The following ANKAR variants were observed in gnomAD, a reference collection of about 807,000 sequenced individuals.
The protein encoded by ANKAR is ankyrin and armadillo repeat containing.
A neutral mutation model predicts 146.2 loss-of-function variants in ANKAR; 136 were observed. That is an observed-to-expected ratio of 0.93 (90% CI 0.81 to 1.07). The LOEUF is 1.07. Among genes scored for constraint, ANKAR ranks in the 50% least tolerant of loss-of-function variants. The pLI, the probability that ANKAR is intolerant of heterozygous loss-of-function variation, is 0.00. For synonymous variants in ANKAR, 500 were observed against 575.8 expected (o/e 0.87, Z 1.88); for missense variants, 1,567 against 1,679.9 (o/e 0.93, Z 1.18).
downstream of ANKAR, among the ~76,000 whole-genome samples, chr2:189,761,999 A>T (rs1283962889): frequency 1.3e-5 from 2 of 152,212 alleles, no homozygotes; most frequent in Non-Finnish European, 2.9e-5. Context: ...TTAAGACAAA[A>T]TGTGGATTTT....
chr2:189,733,282 C>G, intron 17 of ANKAR, 53 bp downstream of exon 17: 1 of 1,434,514 alleles, frequency 7.0e-7, no homozygotes, highest in Non-Finnish European at 9.4e-7. Context: ...GGTTTTTATA[C>G]CACATCTTCA....
At chr2:189,751,198 T>C (rs1347401128), downstream of ANKAR, among the ~76,000 whole-genome samples, 2 of 152,198 alleles carry the variant, frequency 1.3e-5, no homozygotes, top group African/African-American at 4.8e-5. Context: ...TCTGCTTTTC[T>C]ACCATGGTGT....
intron 19 of ANKAR, among the ~76,000 whole-genome samples, chr2:189,740,762 C>G (rs912959043): frequency 6.6e-6 from 1 of 151,636 alleles, no homozygotes; most frequent in African/African-American, 2.4e-5. Flanking sequence ...GGCACGATCT[C>G]TGCTCACTGC....
At chr2:189,744,640 C>A in intron 21 of ANKAR, 102 bp from the exon 22 acceptor site, 1 of 727,510 alleles carries the variant, frequency 1.4e-6, no homozygotes, top group Non-Finnish European at 2.3e-6. Flanking sequence ...GGCCATTAGG[C>A]ATTAAACCTG....
intron 18 of ANKAR, among the ~76,000 whole-genome samples, chr2:189,759,641 G>A (rs527276616): frequency 1.9e-4 from 29 of 152,238 alleles, no homozygotes; most frequent in Non-Finnish European, 2.9e-4. Context: ...CTTAATTCAG[G>A]ATTCAAATAC....
intron 9 of ANKAR, among the ~76,000 whole-genome samples, chr2:189,709,335 C>A (rs1278037965): frequency 1.3e-5 from 2 of 152,084 alleles, no homozygotes; most frequent in Non-Finnish European, 2.9e-5. Flanking sequence ...TGTAGCAAAA[C>A]ACAGCAGTGT....
At chr2:189,726,571 A>G (rs1298893141) in intron 12 of ANKAR, among the ~76,000 whole-genome samples, 2 of 152,214 alleles carry the variant, frequency 1.3e-5, no homozygotes, top group East Asian at 3.8e-4. Context: ...AAAAATGTCT[A>G]TGTCATAAGA....
rs533763884 is a variant in ANKAR, at chr2:189,677,092, G to C, written c.601+1G>C. The C allele has an allele frequency of 3.3e-6, 5 of 1,518,180 alleles. No homozygotes were observed. The highest frequency in any genetic ancestry group is 4.4e-6 in the Non-Finnish European group (5 of 1,141,720). The allele number at this position is 1,518,180 out of a possible 1,614,324, so 94.0% of individuals were successfully genotyped here. A position where few individuals can be genotyped will look rare whatever the true frequency, so the allele number is the denominator to read the frequency against. On this transcript the variant is annotated splice_donor_variant, in intron 2 of 22. Coordinates refer to ENST00000684021, the MANE Select transcript of ANKAR (RefSeq NM_001378068.1). LOFTEE classifies it high-confidence loss of function. ...ATTTTTTCAGAGTTTAGTTCAGCAGGTAAGAGAATTTAACACTTCTTAAAT... is the reference window on the plus strand; with the variant it reads ...ATTTTTTCAGAGTTTAGTTCAGCAGCTAAGAGAATTTAACACTTCTTAAAT...
At chr2:189,697,100 A>C (rs1472475277) in intron 7 of ANKAR, among the ~76,000 whole-genome samples, 1 of 152,070 alleles carries the variant, frequency 6.6e-6, no homozygotes, top group Non-Finnish European at 1.5e-5. Flanking sequence ...AATATAGATA[A>C]ATTGTCAGGG....
chr2:189,692,507 A>G (rs1461248135), intron 4 of ANKAR, 89 bp downstream of exon 4: 9 of 1,123,374 alleles, frequency 8.0e-6, no homozygotes, highest in Non-Finnish European at 1.1e-5. Flanking sequence ...TGGTACAGGC[A>G]CTCGACAGCT....
intron 22 of ANKAR, among the ~76,000 whole-genome samples, 191 bp downstream of exon 22, chr2:189,744,979 G>A (rs1265685398): frequency 1.2e-5 from 1 of 83,926 alleles, no homozygotes; most frequent in Non-Finnish European, 2.2e-5. Context: ...CCAATATGGT[G>A]AAACCCCATC....
At chr2:189,708,435 C>T (rs778712493) in intron 9 of ANKAR, among the ~76,000 whole-genome samples, 1 of 152,148 alleles carries the variant, frequency 6.6e-6, no homozygotes, top group Non-Finnish European at 1.5e-5. Context: ...TACAATTGTG[C>T]AAAAGTGATA....
At chr2:189,704,572 T>TGGG (rs2038609452) in intron 7 of ANKAR, among the ~76,000 whole-genome samples, 4 of 118,512 alleles carry the variant, frequency 3.4e-5, no homozygotes, top group Non-Finnish European at 7.2e-5. Context: ...TATATATATA[T>TGGG]ATATATATAT....
chr2:189,762,777 G>A, downstream of ANKAR: 1 of 985,494 alleles, frequency 1.0e-6, no homozygotes, highest in Non-Finnish European at 1.2e-6. Flanking sequence ...GCCCGAACCT[G>A]GCGCCCGGAA....
intron 2 of ANKAR, among the ~76,000 whole-genome samples, chr2:189,683,302 A>G (rs2035028678): frequency 6.6e-6 from 1 of 152,222 alleles, no homozygotes; most frequent in Non-Finnish European, 1.5e-5. Context: ...GCTGTCTCTC[A>G]TTAGCCGAAG....
At chr2:189,744,127 T>G (rs1002428838) in intron 21 of ANKAR, among the ~76,000 whole-genome samples, 5 of 152,218 alleles carry the variant, frequency 3.3e-5, no homozygotes, top group African/African-American at 1.2e-4. Flanking sequence ...ACGTTAACTC[T>G]ATGATAACGG....
At chr2:189,728,914 C>G in intron 15 of ANKAR, 93 bp downstream of exon 15, 1 of 1,250,058 alleles carries the variant, frequency 8.0e-7, no homozygotes, top group South Asian at 1.6e-5. Context: ...CCTCTCTATC[C>G]CCACTGTTTG....
intron 3 of ANKAR, among the ~76,000 whole-genome samples, chr2:189,691,698 T>A (rs2036428670): frequency 6.8e-6 from 1 of 146,568 alleles, no homozygotes; most frequent in South Asian, 2.1e-4. Context: ...TACATATATA[T>A]GTATATATTT....
intron 18 of ANKAR, chr2:189,754,430 A>G: frequency 7.9e-7 from 1 of 1,270,818 alleles, no homozygotes; most frequent in Middle Eastern, 2.2e-4. Context: ...GAAAATTACT[A>G]ACAAAACAAA....
Sources: gnomAD v4.1 joint callset for allele counts (sites outside exome capture counted in the v4.1 genomes callset) on GRCh38, gnomAD v4.1.1 for gene constraint, MANE v1.5 for transcripts, NCBI Gene and HGNC (gene_info 2026-07-23, HGNC 2026-07-21) for gene names.